Variants in WIPF1 observed in about 807,000 individuals in gnomAD.
The protein encoded by WIPF1 is WAS/WASL interacting protein family member 1.
In WIPF1, 13 loss-of-function variants were observed where a neutral mutation model predicts 35.4. The ratio of observed to expected loss-of-function variants is 0.37; its 90% CI spans 0.24 to 0.58. WIPF1 has a LOEUF of 0.58. WIPF1 is among the 20% of genes least tolerant of loss of function. The pLI is 0.74. For missense variants in WIPF1, 591 were observed against 667.0 expected (o/e 0.89, Z 1.25); for synonymous variants, 267 against 266.3 (o/e 1.00, Z -0.02).
chr2:174,575,416 CT>C, intron 3 of WIPF1, 36 bp from the exon 4 acceptor site: 1 of 1,565,418 alleles, frequency 6.4e-7, no homozygotes, highest in Non-Finnish European at 8.7e-7. Context: ...ACTATGCCCC[CT>C]GGTCTGGCCC....
intron 1 of WIPF1, among the ~76,000 whole-genome samples, chr2:174,610,550 G>GA (rs896656372): frequency 2.0e-5 from 3 of 151,584 alleles, no homozygotes; most frequent in Admixed American, 1.3e-4. Context: ...GGACAAAGTA[G>GA]AAAAAAAATA....
At chr2:174,601,978 G>T (rs1366452600), upstream of WIPF1, among the ~76,000 whole-genome samples, 1 of 152,198 alleles carries the variant, frequency 6.6e-6, no homozygotes, top group Non-Finnish European at 1.5e-5. Context: ...GAAAGAGGGT[G>T]GAGAGAAAGG....
chr2:174,664,354 T>C (rs1414495263), intron 1 of WIPF1, among the ~76,000 whole-genome samples: 1 of 152,166 alleles, frequency 6.6e-6, no homozygotes, highest in Non-Finnish European at 1.5e-5. Flanking sequence ...AGACCACTCC[T>C]CAGCCTCAAT....
At chr2:174,596,494 T>G (rs1219278592) in intron 1 of WIPF1, among the ~76,000 whole-genome samples, 1 of 152,244 alleles carries the variant, frequency 6.6e-6, no homozygotes, top group African/African-American at 2.4e-5. Context: ...TCCCCAGTCT[T>G]TCATCTTTCT....
At chr2:174,577,929 A>C (rs10182449) in intron 3 of WIPF1, among the ~76,000 whole-genome samples, 18,394 of 151,180 alleles carry the variant, frequency 0.12, 1,398 homozygotes, top group African/African-American at 0.21. Context: ...AAAAAAAAAA[A>C]GGGGGATAAA....
chr2:174,644,946 A>G (rs1366963890), intron 1 of WIPF1, among the ~76,000 whole-genome samples: 1 of 152,208 alleles, frequency 6.6e-6, no homozygotes, highest in African/African-American at 2.4e-5. Context: ...CATAAAATAC[A>G]AATATTGTTG....
chr2:174,627,058 C>T (rs541830885), intron 1 of WIPF1, among the ~76,000 whole-genome samples: 2 of 152,330 alleles, frequency 1.3e-5, no homozygotes, highest in African/African-American at 4.8e-5. Flanking sequence ...CGTCCTCAGG[C>T]TTTCCCCATG....
chr2:174,662,013 A>G (rs1429465966), intron 1 of WIPF1, among the ~76,000 whole-genome samples: 1 of 152,184 alleles, frequency 6.6e-6, no homozygotes, highest in African/African-American at 2.4e-5. Context: ...ATGGTTGCAG[A>G]GCACCTACCC....
intron 1 of WIPF1, among the ~76,000 whole-genome samples, chr2:174,586,280 T>G (rs1316014917): frequency 6.6e-6 from 1 of 152,022 alleles, no homozygotes. Flanking sequence ...CCTCAGAGGA[T>G]CTAAGCGAAA....
chr2:174,590,534 G>C lies in WIPF1; in HGVS notation c.-38-4923C>G, dbSNP rs1002107096. Among the ~76,000 whole-genome samples the C allele has an allele frequency of 6.6e-6, 1 of 152,334 alleles. No homozygotes were observed. Among genetic ancestry groups the C allele is most frequent in the Admixed American group, 6.5e-5 (1 of 15,300 alleles). On this transcript the variant is annotated intron_variant, in intron 1 of 7. Transcript: ENST00000679041. This position sits in a 1 kb window ranked among gnomAD's most constrained non-coding sequence, Gnocchi z 4.6. ...CATTTGGTTCTTCCCTTGGAGATGG[G>C]AGCATGGCAGGAAAGGCAGCTGATT...
At position 174,569,802 on chromosome 2, in the gene WIPF1, A is replaced by G. The variant is rs1253581504; in HGVS notation, c.1130-1729T>C. Among the ~76,000 whole-genome samples, 4 of 152,194 alleles carry G rather than the reference A, an allele frequency of 2.6e-5. 1 individual carries two copies. Among genetic ancestry groups the G allele is most frequent in the Admixed American group, 1.3e-4 (2 of 15,282 alleles). ...GCTTGAAAAGCTCATCAGAAGACTG[A>G]GTGGAGGAGCCAGGATCTGACTCCA... On this transcript the variant is annotated intron_variant, in intron 5 of 7. Coordinates refer to ENST00000679041, the MANE Select transcript of WIPF1 (RefSeq NM_001375834.1).
intron 1 of WIPF1, among the ~76,000 whole-genome samples, chr2:174,654,070 C>A (rs1687595181): frequency 6.6e-6 from 1 of 152,174 alleles, no homozygotes; most frequent in African/African-American, 2.4e-5. Flanking sequence ...AGAGAAAATT[C>A]AAATAGAGTT....
chr2:174,666,562 T>A (rs889265907), intron 1 of WIPF1, among the ~76,000 whole-genome samples: 1 of 152,264 alleles, frequency 6.6e-6, no homozygotes, highest in East Asian at 1.9e-4. Flanking sequence ...TTAGTTTACA[T>A]TGGAGCTGGG....
At chr2:174,592,568 C>T (rs981760561) in intron 1 of WIPF1, among the ~76,000 whole-genome samples, 1 of 151,086 alleles carries the variant, frequency 6.6e-6, no homozygotes, top group Non-Finnish European at 1.5e-5. Context: ...CTCTCTTGCC[C>T]TCATTATTTT....
At chr2:174,615,669 CA>C (rs2105906417) in intron 1 of WIPF1, among the ~76,000 whole-genome samples, 1 of 152,242 alleles carries the variant, frequency 6.6e-6, no homozygotes, top group Non-Finnish European at 1.5e-5. Context: ...CTTAAACTTG[CA>C]GTTTCTAAAA....
chr2:174,642,546 A>T (rs1687320366), intron 1 of WIPF1, among the ~76,000 whole-genome samples: 2 of 151,750 alleles, frequency 1.3e-5, no homozygotes, highest in Non-Finnish European at 2.9e-5. Flanking sequence ...AAGGGGTTTC[A>T]CTGTGTTAGC....
chr2:174,570,537 A>G (rs1684795277), intron 5 of WIPF1: 1 of 152,186 alleles, frequency 6.6e-6, no homozygotes, highest in African/African-American at 2.4e-5. Flanking sequence ...CCATGGCACA[A>G]TGGTTTCAAG....
chr2:174,599,585 C>A (rs1685927622), upstream of WIPF1, among the ~76,000 whole-genome samples: 1 of 152,148 alleles, frequency 6.6e-6, no homozygotes, highest in Non-Finnish European at 1.5e-5. Flanking sequence ...TGGAGGCCTA[C>A]AGCTATCAGC....
chr2:174,647,391 C>A (rs1278477664), intron 1 of WIPF1, among the ~76,000 whole-genome samples: 1 of 150,874 alleles, frequency 6.6e-6, no homozygotes, highest in East Asian at 1.9e-4. Flanking sequence ...TTTTTCTTTC[C>A]GAGACTGAGT....
Sources: gnomAD v4.1 joint callset for allele counts (sites outside exome capture counted in the v4.1 genomes callset) on GRCh38, gnomAD v4.1.1 for gene constraint, Gnocchi (gnomAD v3.1) non-coding constraint, MANE v1.5 for transcripts, NCBI Gene and HGNC (gene_info 2026-07-23, HGNC 2026-07-21) for gene names.